Variants in TMC3 observed in about 807,000 individuals in gnomAD.
TMC3 encodes the protein transmembrane channel like 3.
Under a neutral mutation model 110.6 loss-of-function variants are expected in TMC3, and 98 were observed. The observed-to-expected ratio is 0.89, with a 90% confidence interval of 0.75 to 1.05. The LOEUF (loss-of-function observed/expected upper bound fraction) is 1.05. Ranked by LOEUF, TMC3 falls within the 50% of genes least tolerant of loss-of-function variation. The pLI is 0.00. For missense variants in TMC3, 1,319 were observed against 1,373.2 expected (o/e 0.96, Z 0.62); for synonymous variants, 489 against 513.1 (o/e 0.95, Z 0.63).
At chr15:81,341,670 C>A in intron 15 of TMC3, 152 bp from the exon 16 acceptor site, 1 of 632,276 alleles carries the variant, frequency 1.6e-6, no homozygotes. Flanking sequence ...CCCGAGACCA[C>A]AACCCTCCAC....
intron 2 of TMC3, among the ~76,000 whole-genome samples, chr15:81,370,962 CGCA>C (rs1894422157): frequency 6.6e-6 from 1 of 152,006 alleles, no homozygotes; most frequent in Non-Finnish European, 1.5e-5. Context: ...CATGAGCCAC[CGCA>C]CCCAGCCAAG....
rs748691975 is a variant in TMC3 at position 81,332,386 on chromosome 15, C to T, written c.*33G>A. On this transcript the variant is annotated 3_prime_UTR_variant, in exon 22 of 22. Coordinates refer to ENST00000359440, the MANE Select transcript of TMC3 (RefSeq NM_001080532.3). Reference sequence around the variant, plus strand: ...TGCTGGCCCAGCACTCCAACAGGGGCCTGACCTCTAGGAACGGGACACTGG... The same window carrying T: ...TGCTGGCCCAGCACTCCAACAGGGGTCTGACCTCTAGGAACGGGACACTGG... 66 of 1,561,158 alleles carry T rather than the reference C, an allele frequency of 4.2e-5. No homozygotes were observed. The highest frequency in any genetic ancestry group is 5.7e-5 in the Non-Finnish European group (66 of 1,151,148).
chr15:81,339,542 C>T, intron 16 of TMC3, 38 bp from the exon 17 acceptor site: 1 of 1,501,514 alleles, frequency 6.7e-7, no homozygotes, highest in Non-Finnish European at 9.1e-7. Flanking sequence ...AAGTTCACTC[C>T]ATAGCCAGTT....
chr15:81,364,682 T>TAAA lies in TMC3; in HGVS notation c.313-2384_313-2382dup, dbSNP rs35537034. Among the ~76,000 whole-genome samples the TAAA allele has an allele frequency of 7.3e-3, 692 of 95,090 alleles. 9 individuals carry two copies. The highest frequency in any genetic ancestry group is 0.035 in the African/African-American group (651 of 18,688). The allele number at this position is 95,090 out of a possible 152,430, so 62.4% of individuals were successfully genotyped here. A position where few individuals can be genotyped will look rare whatever the true frequency, so the allele number is the denominator to read the frequency against. On this transcript the variant is annotated intron_variant, in intron 3 of 21. Transcript: ENST00000359440. ...ATGTACCCTAAAACTTAAAGTATAA[T>TAAA]AAAAAAAAACATTATTCCAAAAAAA...
intron 21 of TMC3, 55 bp downstream of exon 21, chr15:81,334,665 G>A: frequency 1.3e-6 from 2 of 1,566,992 alleles, no homozygotes. Flanking sequence ...AAGCTGCAGA[G>A]GCCTTCAAAT....
At chr15:81,370,242 G>A (rs894027669) in intron 2 of TMC3, among the ~76,000 whole-genome samples, 1 of 152,190 alleles carries the variant, frequency 6.6e-6, no homozygotes, top group African/African-American at 2.4e-5. Context: ...TCTGCATCCT[G>A]CTATGCTCCC....
Position 81,345,015 on chromosome 15 carries a change from G to C in TMC3, c.1273-4C>G, listed in dbSNP as rs1893796194. ...TGTTATTTTTGGTAGCCATTTCCTG[G>C]GGAGAGAGAGAGAGAGAGAGAGGGA... is the stretch of plus-strand genomic sequence containing the variant. On this transcript the variant is annotated splice_polypyrimidine_tract_variant and splice_region_variant and intron_variant, in intron 12 of 21. Transcript: ENST00000359440. 3.2e-6 allele frequency: 5 copies of C among 1,561,976 alleles called. No individual in the cohort carries two copies. The highest frequency in any genetic ancestry group is 1.9e-5 in the Admixed American group (1 of 51,656).
intron 21 of TMC3, 129 bp downstream of exon 21, chr15:81,334,591 G>C: frequency 8.0e-7 from 1 of 1,256,448 alleles, no homozygotes; most frequent in Non-Finnish European, 1.1e-6. Flanking sequence ...TTTAGTACCA[G>C]CTGTCATAGT....
chr15:81,333,423 G>A (rs1893520334), intron 21 of TMC3, among the ~76,000 whole-genome samples, 161 bp from the exon 22 acceptor site: 1 of 152,152 alleles, frequency 6.6e-6, no homozygotes, highest in Non-Finnish European at 1.5e-5. Context: ...TGGGGGACAG[G>A]GCTAAACAGT....
rs955382066 is a variant in TMC3 at position 81,331,953 on chromosome 15, GT to G, written c.*465del. The G allele has an allele frequency of 1.4e-4, 22 of 155,066 alleles. No homozygotes were observed. Among genetic ancestry groups the G allele is most frequent in the African/African-American group, 4.6e-4 (19 of 41,400 alleles). The allele number at this position is 155,066 out of a possible 1,614,324, so 9.6% of individuals were successfully genotyped here. A position where few individuals can be genotyped will look rare whatever the true frequency, so the allele number is the denominator to read the frequency against. ...CGCAAGACCCCGGAAGCATGCCAAC[GT>G]GTAAAACCCCAAGTCAAAGGTCAAA... On this transcript the variant is annotated 3_prime_UTR_variant, in exon 22 of 22. Transcript: ENST00000359440.
intron 1 of TMC3, 128 bp from the exon 2 acceptor site, chr15:81,372,865 T>TTG (rs892784031): frequency 2.4e-5 from 14 of 579,554 alleles, no homozygotes; most frequent in African/African-American, 1.6e-4. Context: ...GTGTATGTGT[T>TTG]TGTGCGTGTG....
rs771231078 is a variant in TMC3 at position 81,334,812 on chromosome 15, C to T, written c.2367G>A (p.Gln789=). ...SKSGRIETVA[Q]SMPQSPRPGD... ...CTGGCCTCGGGCTCTGGGGCATGGACTGTGCGACTGTCTCTATCCTGCCAC... is the reference window on the plus strand; with the variant it reads ...CTGGCCTCGGGCTCTGGGGCATGGATTGTGCGACTGTCTCTATCCTGCCAC... The change falls in exon 21 of 22, where the codon CAG becomes CAA. Residue 789 remains glutamine, a synonymous_variant. Transcript: ENST00000359440. The T allele has an allele frequency of 6.2e-7, 1 of 1,614,024 alleles. No individual in the cohort carries two copies. The highest frequency in any genetic ancestry group is 1.3e-5 in the African/African-American group (1 of 75,060).
At chr15:81,351,089 C>T (rs1306798817) in intron 10 of TMC3, among the ~76,000 whole-genome samples, 1 of 152,182 alleles carries the variant, frequency 6.6e-6, no homozygotes, top group Admixed American at 6.5e-5. Flanking sequence ...TGTGAAGAAA[C>T]AGATGTGCAA....
At chr15:81,356,953 C>T (rs1211344540) in intron 7 of TMC3, among the ~76,000 whole-genome samples, 1 of 152,188 alleles carries the variant, frequency 6.6e-6, no homozygotes, top group African/African-American at 2.4e-5. Flanking sequence ...TTGAATCAGT[C>T]TTCTTGGAGC....
At chr15:81,359,202 A>G (rs1161816906) in intron 5 of TMC3, among the ~76,000 whole-genome samples, 163 bp downstream of exon 5, 2 of 152,216 alleles carry the variant, frequency 1.3e-5, no homozygotes, top group East Asian at 1.9e-4. Flanking sequence ...CATGAAGCCT[A>G]AAGTATTTAT....
rs1464815043 is a variant in TMC3 at position 81,333,275 on chromosome 15, G to A, written c.2460-13C>T. ...ACCGTGCAGATACCTGTAAGACAGG[G>A]GCGGTTAAGTAGCTGTGGCCTTGGT... On this transcript the variant is annotated splice_polypyrimidine_tract_variant and intron_variant, in intron 21 of 21. Coordinates refer to ENST00000359440, the MANE Select transcript of TMC3 (RefSeq NM_001080532.3). The A allele has an allele frequency of 1.9e-6, 3 of 1,588,352 alleles. No homozygotes were observed. In the African/African-American group the frequency reaches 4.0e-5, roughly 21 times the overall value.
At chr15:81,340,942 C>T (rs1567062102) in intron 16 of TMC3, among the ~76,000 whole-genome samples, 1 of 151,910 alleles carries the variant, frequency 6.6e-6, no homozygotes, top group Admixed American at 6.6e-5. Context: ...GGAGCACATA[C>T]TGTGTGTGTG....
intron 8 of TMC3, among the ~76,000 whole-genome samples, chr15:81,356,006 T>A (rs1894053165): frequency 6.6e-6 from 1 of 152,198 alleles, no homozygotes; most frequent in Non-Finnish European, 1.5e-5. Context: ...TAAGTAGATT[T>A]TTTTTCTCAA....
chr15:81,342,715 A>G (rs1893740850), intron 15 of TMC3: 1 of 152,266 alleles, frequency 6.6e-6, no homozygotes, highest in African/African-American at 2.4e-5. Flanking sequence ...AACAAATAGC[A>G]CTATTCTGGT....
Sources: allele counts gnomAD v4.1 joint callset (sites outside exome capture counted in the v4.1 genomes callset), GRCh38; gene constraint gnomAD v4.1.1; transcripts MANE v1.5; gene names NCBI Gene and HGNC (gene_info 2026-07-23, HGNC 2026-07-21).